DHRS12: variants seen among roughly 807,000 people sequenced by gnomAD.
DHRS12 encodes dehydrogenase/reductase 12.
Under a neutral mutation model 32.1 loss-of-function variants are expected in DHRS12, and 29 were observed. The observed-to-expected ratio is 0.90, with a 90% CI of 0.67 to 1.23. The LOEUF (loss-of-function observed/expected upper bound fraction) is 1.23. Among genes scored for constraint, DHRS12 ranks in the 50% most tolerant of loss-of-function variants. The pLI is 0.00. For synonymous variants in DHRS12, 150 were observed against 135.9 expected, an observed-to-expected ratio of 1.10 and a Z score of -0.72; for missense variants, 330 against 337.2, an observed-to-expected ratio of 0.98 and a Z score of 0.17.
At chr13:51,768,558 C>T (rs1302908006) in intron 8 of DHRS12, 1 of 1,337,986 alleles carries the variant, frequency 7.5e-7, no homozygotes, top group East Asian at 3.0e-5. Flanking sequence ...AGGGGTGCGG[C>T]CATCCTCCCG....
At chr13:51,789,712 C>A (rs1344051095) in intron 4 of DHRS12, 15 of 985,312 alleles carry the variant, frequency 1.5e-5, no homozygotes, top group African/African-American at 1.7e-5. Context: ...GACTTGCACT[C>A]AACACTTAAG....
Position 51,773,997 on chromosome 13 carries a change from A to G in DHRS12, c.401T>C (p.Leu134Pro), listed in dbSNP as rs935249081. The G allele has an allele frequency of 6.2e-7, 1 of 1,613,904 alleles. No individual in the cohort carries two copies. The highest frequency in any genetic ancestry group is 1.3e-5 in the African/African-American group (1 of 74,888). Residue 134 changes from leucine (L) to proline (P), a missense_variant, in exon 6 of 9, where the codon CTG (leucine) becomes CCG (proline). Transcript: ENST00000444610. ...TTCGGACTGGAGATCATTGGTGTTC[A>G]GTTTCTGAACCAACATTCCTCCTGA... ...VSSGGMLVQKLNTNDLQSERT... is the reference protein window; with the variant it reads ...VSSGGMLVQKPNTNDLQSERT...
intron 1 of DHRS12, among the ~76,000 whole-genome samples, chr13:51,803,299 G>A (rs942894227): frequency 6.6e-6 from 1 of 152,222 alleles, no homozygotes; most frequent in Admixed American, 6.5e-5. Flanking sequence ...CCAGGCCCCT[G>A]TGCAGATCCA....
intron 4 of DHRS12, among the ~76,000 whole-genome samples, chr13:51,777,671 G>A (rs1030590073): frequency 6.6e-6 from 1 of 152,202 alleles, no homozygotes; most frequent in African/African-American, 2.4e-5. Flanking sequence ...GACATGGAAA[G>A]ACATTCCTAA....
At chr13:51,771,501 G>A (rs2296028) in intron 7 of DHRS12, 67 of 1,613,858 alleles carry the variant, frequency 4.2e-5, no homozygotes, top group Admixed American at 6.7e-5. Context: ...CCTGTCTGAC[G>A]TGGAAATGAC....
At position 51,777,216 on chromosome 13, in the gene DHRS12, G is replaced by GC. The variant is rs889499925; in HGVS notation, c.302-96dup. The GC allele has an allele frequency of 9.7e-6, 14 of 1,442,196 alleles. No homozygotes were observed. In the African/African-American group the frequency reaches 1.7e-4, roughly 17 times the overall value. The allele number at this position is 1,442,196 out of a possible 1,614,324, so 89.3% of individuals were successfully genotyped here. ...ATGTGGGGACTGTCTGCCCGCACCC[G>GC]CCCCCCACAAGAGGGCAAGTGGCCA... On this transcript the variant is annotated intron_variant, in intron 4 of 8. Transcript: ENST00000444610.
chr13:51,783,258 T>G (rs1245960428), intron 4 of DHRS12, among the ~76,000 whole-genome samples: 1 of 152,088 alleles, frequency 6.6e-6, no homozygotes, highest in Non-Finnish European at 1.5e-5. Flanking sequence ...TCCTAGGAGC[T>G]CCAGACTCCA....
intron 7 of DHRS12, chr13:51,771,582 C>G: frequency 1.3e-6 from 2 of 1,556,990 alleles, no homozygotes; most frequent in East Asian, 2.3e-5. Context: ...CACCTGCTCC[C>G]GTTCCCACCA....
In DHRS12 at chr13:51,799,651, C is replaced by T; in HGVS notation, c.9G>A (p.Leu3=). ...TCATGAGGGACAAAGTCTTTACATGCAGATTCATAGCCACTCCTAGAAAGA... is the reference window on the plus strand; with the variant it reads ...TCATGAGGGACAAAGTCTTTACATGTAGATTCATAGCCACTCCTAGAAAGA... The part of the protein sequence containing the change: MN[L]HVKTLSLMTW... The change falls in exon 2 of 9, where the codon CTG becomes CTA. Residue 3 remains leucine (L), a synonymous_variant. Coordinates refer to ENST00000444610, the MANE Select transcript of DHRS12 (RefSeq NM_001377533.1). The T allele has an allele frequency of 6.2e-7, 1 of 1,614,020 alleles. No individual in the cohort carries two copies. Among genetic ancestry groups the T allele is most frequent in the Non-Finnish European group, 8.5e-7 (1 of 1,179,994 alleles).
chr13:51,777,194 T>C, intron 4 of DHRS12, 73 bp from the exon 5 acceptor site: 1 of 1,572,550 alleles, frequency 6.4e-7, no homozygotes, highest in Non-Finnish European at 8.7e-7. Context: ...AGGACTGATG[T>C]GGGGACTGTC....
At chr13:51,781,561 G>C (rs1028862390) in intron 4 of DHRS12, among the ~76,000 whole-genome samples, 6 of 152,146 alleles carry the variant, frequency 3.9e-5, no homozygotes, top group African/African-American at 9.7e-5. Context: ...CGGCGGGGGA[G>C]GTGTCAGGCT....
intron 1 of DHRS12, among the ~76,000 whole-genome samples, chr13:51,800,964 AAAATAT>A (rs1237400052): frequency 6.6e-6 from 1 of 152,204 alleles, no homozygotes; most frequent in African/African-American, 2.4e-5. Flanking sequence ...TTGAAACTTA[AAAATAT>A]CAGTAACAAG....
In DHRS12 at chr13:51,782,721, T is replaced by C. The variant is rs1204838312; in HGVS notation, c.302-5600A>G. Reference sequence around the variant, plus strand: ...GGGGGTCCTGTGTGCTTCACTGAGATGTATGAAAGAACCTGCTGTACTGCA... The same window carrying C: ...GGGGGTCCTGTGTGCTTCACTGAGACGTATGAAAGAACCTGCTGTACTGCA... On this transcript the variant is annotated intron_variant, in intron 4 of 8. Coordinates refer to ENST00000444610, the MANE Select transcript of DHRS12 (RefSeq NM_001377533.1). The surrounding 1 kb of genome is among the most constrained non-coding windows in gnomAD (Gnocchi z 4.2). Among the ~76,000 whole-genome samples, 1 of 152,152 alleles carries C rather than the reference T, an allele frequency of 6.6e-6. No homozygotes were observed. Among genetic ancestry groups the C allele is most frequent in the East Asian group, 1.9e-4 (1 of 5,198 alleles).
chr13:51,801,596 C>G (rs1023785662), intron 1 of DHRS12, among the ~76,000 whole-genome samples: 1 of 152,190 alleles, frequency 6.6e-6, no homozygotes, highest in Non-Finnish European at 1.5e-5. Flanking sequence ...GCATTTTAAA[C>G]TACAAAGAGG....
At chr13:51,773,296 T>C (rs1954128082) in intron 6 of DHRS12, among the ~76,000 whole-genome samples, 1 of 152,190 alleles carries the variant, frequency 6.6e-6, no homozygotes, top group African/African-American at 2.4e-5. Flanking sequence ...ACAAATAGCC[T>C]GAAGGGGATT....
the DHRS12 span, chr13:51,758,276 T>C: frequency 1.9e-6 from 3 of 1,597,318 alleles, no homozygotes; most frequent in Non-Finnish European, 2.6e-6. Context: ...GGTTACTGAC[T>C]TCTGGAACTG....
chr13:51,800,108 GA>G (rs1311890605), intron 1 of DHRS12, among the ~76,000 whole-genome samples: 1 of 152,120 alleles, frequency 6.6e-6, no homozygotes, highest in African/African-American at 2.4e-5. Context: ...TGCAAGTAGG[GA>G]ATAAAGGAGG....
intron 2 of DHRS12, chr13:51,797,691 G>T: frequency 1.1e-6 from 1 of 871,970 alleles, no homozygotes; most frequent in Non-Finnish European, 1.7e-6. Context: ...GCTCCCTGCT[G>T]GCCGAGGCTG....
chr13:51,760,400 A>T, the DHRS12 span: 10 of 152,090 alleles, frequency 6.6e-5, no homozygotes, highest in African/African-American at 2.4e-4. Context: ...TCACGTTCTT[A>T]TGAAGTAGAA....
Sources: allele counts gnomAD v4.1 joint callset (sites outside exome capture counted in the v4.1 genomes callset), GRCh38; gene constraint gnomAD v4.1.1; non-coding constraint Gnocchi (gnomAD v3.1); transcripts MANE v1.5; gene names NCBI Gene and HGNC (gene_info 2026-07-23, HGNC 2026-07-21).